The following MLLT1 variants were observed in gnomAD, a reference collection of about 807,000 sequenced individuals.
MLLT1 encodes MLLT1 super elongation complex subunit.
A neutral mutation model predicts 55.1 loss-of-function variants in MLLT1; 11 were observed. The ratio of observed to expected loss-of-function variants is 0.20; its 90% CI spans 0.13 to 0.33. The LOEUF is 0.33. Ranked by LOEUF, MLLT1 falls within the 10% of genes least tolerant of loss-of-function variation. The probability of loss-of-function intolerance (pLI) is 1.00; values close to 1 mark genes in which losing one functional copy is unlikely to be tolerated. For missense variants in MLLT1, 536 were observed against 760.6 expected, an observed-to-expected ratio of 0.70 and a Z score of 3.47; for synonymous variants, 323 against 320.1, an observed-to-expected ratio of 1.01 and a Z score of -0.10.
intron 3 of MLLT1, among the ~76,000 whole-genome samples, chr19:6,245,971 G>A (rs2091164248): frequency 6.6e-6 from 1 of 152,150 alleles, no homozygotes; most frequent in African/African-American, 2.4e-5. Context: ...CCAGCTACTT[G>A]AGAGGCTGAG....
chr19:6,217,462 G>A lies in MLLT1; in HGVS notation c.1198+492C>T, dbSNP rs576740562. Among the ~76,000 whole-genome samples the A allele has an allele frequency of 7.9e-5, 12 of 152,228 alleles. No homozygotes were observed. The East Asian group carries it at 2.3e-3, about 29-fold the overall frequency. ...CTGGGGCAGGCTGGTGCAGCCAATGGGCCTATGTCCTTTCCCCAAAAAGCC... is the reference window on the plus strand; with the variant it reads ...CTGGGGCAGGCTGGTGCAGCCAATGAGCCTATGTCCTTTCCCCAAAAAGCC... On this transcript the variant is annotated intron_variant, in intron 7 of 11. Coordinates refer to ENST00000252674, the MANE Select transcript of MLLT1 (RefSeq NM_005934.4).
intron 3 of MLLT1, among the ~76,000 whole-genome samples, chr19:6,253,733 G>C (rs1240684004): frequency 6.6e-6 from 1 of 152,112 alleles, no homozygotes; most frequent in African/African-American, 2.4e-5. Context: ...AAATCTACAT[G>C]ATTTTCTCAT....
intron 1 of MLLT1, among the ~76,000 whole-genome samples, chr19:6,274,607 T>C (rs1450195989): frequency 6.6e-6 from 1 of 152,152 alleles, no homozygotes; most frequent in Non-Finnish European, 1.5e-5. Context: ...GAGGCCACTT[T>C]TTTGGAACCT....
chr19:6,252,774 T>C (rs1007172602), intron 3 of MLLT1, among the ~76,000 whole-genome samples: 16 of 152,062 alleles, frequency 1.1e-4, no homozygotes, highest in African/African-American at 3.4e-4. Flanking sequence ...AGTTTTTTCT[T>C]TGAAGAGATC....
chr19:6,221,808 A>G (rs1270148347), intron 6 of MLLT1, among the ~76,000 whole-genome samples: 1 of 152,228 alleles, frequency 6.6e-6, no homozygotes, highest in East Asian at 1.9e-4. Flanking sequence ...ACCCGGGCCC[A>G]TGCAGGGGGC....
Position 6,235,498 on chromosome 19 carries a change from C to T in MLLT1, c.277-4785G>A, listed in dbSNP as rs1033634788. On this transcript the variant is annotated intron_variant, in intron 3 of 11. Transcript: ENST00000252674. This position sits in a 1 kb window ranked among gnomAD's most constrained non-coding sequence, Gnocchi z 5.5. The stretch of plus-strand genomic sequence containing the variant: ...GGGCACCTGGGGAGGCGCAGCCAGA[C>T]GGTACCAAAGCACTGGGATGCCCCA... Among the ~76,000 whole-genome samples, 16 of 152,216 alleles carry T rather than the reference C, an allele frequency of 1.1e-4. No individual in the cohort carries two copies. Among genetic ancestry groups the T allele is most frequent in the African/African-American group, 1.9e-4 (8 of 41,452 alleles).
intron 3 of MLLT1, among the ~76,000 whole-genome samples, chr19:6,246,547 A>G (rs2091170678): frequency 1.3e-5 from 2 of 152,190 alleles, no homozygotes; most frequent in Non-Finnish European, 2.9e-5. Flanking sequence ...AAAGGGCTAC[A>G]TATTGTCTGA....
chr19:6,211,156 C>G lies in MLLT1; in HGVS notation c.*1886G>C, dbSNP rs2090765409. ...GCGTAGAGCTCCCAGCAGCACGGGCCCCCGGTCAGCCCCCCTCAGGCCAGT... is the reference window on the plus strand; with the variant it reads ...GCGTAGAGCTCCCAGCAGCACGGGCGCCCGGTCAGCCCCCCTCAGGCCAGT... On this transcript the variant is annotated 3_prime_UTR_variant, in exon 12 of 12. Transcript: ENST00000252674. This position sits in a 1 kb window ranked among gnomAD's most constrained non-coding sequence, Gnocchi z 4.6. The G allele has an allele frequency of 4.3e-6, 1 of 232,728 alleles. No individual in the cohort carries two copies. Among genetic ancestry groups the G allele is most frequent in the Admixed American group, 5.6e-5 (1 of 17,766 alleles). 14.4% of individuals were successfully genotyped at this position (232,728 alleles called of 1,614,324 possible).
chr19:6,270,527 G>A lies in MLLT1; in HGVS notation c.193+52C>T, dbSNP rs549652288. 32 of 1,553,772 alleles carry A rather than the reference G, an allele frequency of 2.1e-5. No homozygotes were observed. In the East Asian group the frequency reaches 6.9e-4, roughly 33 times the overall value. On this transcript the variant is annotated intron_variant, in intron 2 of 11. Coordinates refer to ENST00000252674, the MANE Select transcript of MLLT1 (RefSeq NM_005934.4). The surrounding 1 kb of genome is among the most constrained non-coding windows in gnomAD (Gnocchi z 7.1). ...GGGGTGGAGCCTGGCCTTGGGAGGA[G>A]TGAAGACAGATGGGTCCGTGCTGTG... is the stretch of plus-strand genomic sequence containing the variant.
intron 3 of MLLT1, among the ~76,000 whole-genome samples, chr19:6,261,405 C>T (rs116258890): frequency 0.022 from 3,345 of 152,284 alleles, 140 homozygotes; most frequent in African/African-American, 0.077. Flanking sequence ...ATGGCAGCCA[C>T]GCAGCCCGGC....
chr19:6,233,800 G>A (rs1270754833), intron 3 of MLLT1, among the ~76,000 whole-genome samples: 3 of 152,116 alleles, frequency 2.0e-5, no homozygotes, highest in African/African-American at 4.8e-5. Context: ...TAACCGACAC[G>A]CCCCCCGCCA....
intron 3 of MLLT1, chr19:6,259,009 G>C (rs1211023799): frequency 6.6e-6 from 1 of 152,234 alleles, no homozygotes; most frequent in Non-Finnish European, 1.5e-5. Context: ...AGCAGACGCA[G>C]CCAGAAACCC....
rs376208827 is a variant in MLLT1, at chr19:6,214,045, C to T, written c.1308-7G>A. Reference sequence around the variant, plus strand: ...GCTGTCGCTGAAGCTCAACCTGAACCGACACACGGGGGCGCATCAGGCCCC... The same window carrying T: ...GCTGTCGCTGAAGCTCAACCTGAACTGACACACGGGGGCGCATCAGGCCCC... On this transcript the variant is annotated splice_polypyrimidine_tract_variant and splice_region_variant and intron_variant, in intron 8 of 11. Coordinates refer to ENST00000252674, the MANE Select transcript of MLLT1 (RefSeq NM_005934.4). 369 of 1,427,520 alleles carry T rather than the reference C, an allele frequency of 2.6e-4. No homozygotes were observed. Among genetic ancestry groups the T allele is most frequent in the Admixed American group, 3.9e-4 (13 of 33,558 alleles). 88.4% of individuals were successfully genotyped at this position (1,427,520 alleles called of 1,614,324 possible). A position where few individuals can be genotyped will look rare whatever the true frequency, so the allele number is the denominator to read the frequency against.
intron 3 of MLLT1, among the ~76,000 whole-genome samples, chr19:6,258,935 G>A (rs1468905008): frequency 1.3e-5 from 2 of 152,138 alleles, no homozygotes; most frequent in African/African-American, 2.4e-5. Flanking sequence ...TGCCTACTAT[G>A]TGCCACGCGC....
intron 3 of MLLT1, among the ~76,000 whole-genome samples, chr19:6,248,808 C>G (rs754325504): frequency 3.9e-5 from 6 of 152,214 alleles, no homozygotes; most frequent in Non-Finnish European, 8.8e-5. Context: ...GTTTTGATCA[C>G]TGGACCATGG....
intron 2 of MLLT1, among the ~76,000 whole-genome samples, chr19:6,263,701 C>A (rs1697293693): frequency 6.6e-6 from 1 of 152,110 alleles, no homozygotes; most frequent in Non-Finnish European, 1.5e-5. Context: ...GGAATAAGGC[C>A]GTGAGAGTGA....
intron 2 of MLLT1, among the ~76,000 whole-genome samples, chr19:6,264,861 C>T (rs1189277625): frequency 7.1e-6 from 1 of 140,748 alleles, no homozygotes; most frequent in Non-Finnish European, 1.5e-5. Context: ...TGCCACTGCC[C>T]TCCAGCCTAG....
rs1568281181 is a variant in MLLT1, at chr19:6,230,642, G to A, written c.348C>T (p.His116=). ...LNLEGNPPVN[H]LRCEKLTFNN... is the part of the protein sequence containing the mutation. ...TGAAGGTGAGCTTCTCGCAGCGCAGGTGGTTCACGGGCGGGTTGCCTTCCA... is the reference window on the plus strand; with the variant it reads ...TGAAGGTGAGCTTCTCGCAGCGCAGATGGTTCACGGGCGGGTTGCCTTCCA... The change falls in exon 4 of 12, where the codon CAC becomes CAT. Residue 116 remains histidine, a synonymous_variant. Transcript: ENST00000252674. The surrounding 1 kb of genome is among the most constrained non-coding windows in gnomAD (Gnocchi z 9.0). 6.2e-7 allele frequency: 1 copy of A among 1,614,132 alleles called. No homozygotes were observed. Among genetic ancestry groups the A allele is most frequent in the African/African-American group, 1.3e-5 (1 of 75,064 alleles).
intron 2 of MLLT1, among the ~76,000 whole-genome samples, chr19:6,265,004 A>G (rs951683934): frequency 1.3e-5 from 2 of 148,462 alleles, no homozygotes; most frequent in African/African-American, 2.5e-5. Flanking sequence ...GCTAAAATGA[A>G]AGACACTCAA....
Sources: allele counts gnomAD v4.1 joint callset (sites outside exome capture counted in the v4.1 genomes callset), GRCh38; gene constraint gnomAD v4.1.1; non-coding constraint Gnocchi (gnomAD v3.1); transcripts MANE v1.5; gene names NCBI Gene and HGNC (gene_info 2026-07-23, HGNC 2026-07-21).